Variants in ARIH2 observed in about 807,000 individuals in gnomAD.
ARIH2 encodes the protein E3 ubiquitin-protein ligase ARIH2.
ARIH2 carries 12 observed loss-of-function variants against 79.8 expected under a neutral mutation model. The observed-to-expected ratio is 0.15, with a 90% CI of 0.10 to 0.24. The LOEUF (loss-of-function observed/expected upper bound fraction) is 0.24, where lower values mean the gene tolerates loss of function less well. Among genes scored for constraint, ARIH2 ranks in the 10% least tolerant of loss-of-function variants. The pLI is 1.00. For synonymous variants in ARIH2, 224 were observed against 213.9 expected (o/e 1.05, Z -0.41); for missense variants, 301 against 618.3 (o/e 0.49, Z 5.44).
chr3:48,920,900 AGAAAG>A (rs2084725123), intron 1 of ARIH2, among the ~76,000 whole-genome samples: 1 of 72,192 alleles, frequency 1.4e-5, no homozygotes, highest in African/African-American at 4.3e-5. Context: ...AAAAAAAAAA[AGAAAG>A]AAAAGAAAAG....
intron 15 of ARIH2, 62 bp downstream of exon 15, chr3:48,983,041 T>A: frequency 6.4e-7 from 1 of 1,554,148 alleles, no homozygotes; most frequent in Non-Finnish European, 8.9e-7. Context: ...TGGTAATAGG[T>A]GACAGCGTTG....
Position 48,967,284 on chromosome 3 carries a change from G to A in ARIH2, c.538+9G>A, listed in dbSNP as rs776780036. 45 of 1,612,034 alleles carry A rather than the reference G, an allele frequency of 2.8e-5. No homozygotes were observed. In the South Asian group the frequency reaches 4.7e-4, roughly 17 times the overall value. The stretch of plus-strand genomic sequence containing the variant: ...GGACGGCGTGGGCGTGGGTGAGTCT[G>A]CCACAAAACTTATAAAAAGCTGGCA... On this transcript the variant is annotated intron_variant, in intron 6 of 15. Transcript: ENST00000356401.
At chr3:48,921,805 G>A (rs2084868500) in intron 1 of ARIH2, among the ~76,000 whole-genome samples, 1 of 151,172 alleles carries the variant, frequency 6.6e-6, no homozygotes, top group South Asian at 2.1e-4. Flanking sequence ...AGACTGGAGT[G>A]TAGTGGCGTG....
chr3:48,927,867 AG>A, intron 3 of ARIH2, 54 bp downstream of exon 3: 1 of 1,584,320 alleles, frequency 6.3e-7, no homozygotes, highest in Non-Finnish European at 8.6e-7. Flanking sequence ...TCTAAGGATG[AG>A]CTGTTGTTAA....
intron 9 of ARIH2, 152 bp from the exon 10 acceptor site, chr3:48,974,665 C>G: frequency 1.4e-6 from 1 of 738,610 alleles, no homozygotes; most frequent in East Asian, 2.6e-5. Context: ...GCTGTTCCAG[C>G]CTCAGCGACC....
chr3:48,927,309 G>C (rs1208558437), intron 2 of ARIH2, 153 bp from the exon 3 acceptor site: 1 of 460,700 alleles, frequency 2.2e-6, no homozygotes, highest in Non-Finnish European at 3.9e-6. Flanking sequence ...CCTGGGCCAG[G>C]GGGATGATAG....
intron 3 of ARIH2, chr3:48,934,639 TCA>T: frequency 1.0e-6 from 1 of 985,434 alleles, no homozygotes; most frequent in Non-Finnish European, 1.2e-6. Flanking sequence ...TTAACATGTT[TCA>T]CAGTGTTTTA....
intron 3 of ARIH2, among the ~76,000 whole-genome samples, chr3:48,947,943 ATTTTAT>A (rs2089419602): frequency 1.3e-5 from 2 of 151,894 alleles, no homozygotes; most frequent in East Asian, 1.9e-4. Flanking sequence ...TTATCTTTTT[ATTTTAT>A]TTTTATTTTT....
intron 3 of ARIH2, among the ~76,000 whole-genome samples, chr3:48,953,375 T>C (rs2090182592): frequency 6.6e-6 from 1 of 152,214 alleles, no homozygotes; most frequent in African/African-American, 2.4e-5. Context: ...AAAAGTATTA[T>C]AGTTATTAAA....
At chr3:48,930,057 C>T (rs1287990200) in intron 3 of ARIH2, among the ~76,000 whole-genome samples, 1 of 152,062 alleles carries the variant, frequency 6.6e-6, no homozygotes, top group Non-Finnish European at 1.5e-5. Flanking sequence ...TTTATTTTTT[C>T]CCTTCTGCAC....
At position 48,982,055 on chromosome 3, in the gene ARIH2, A is replaced by G. The variant is rs78548406; in HGVS notation, c.1326+327A>G. Among the ~76,000 whole-genome samples, 1,082 of 152,338 alleles carry G rather than the reference A, an allele frequency of 7.1e-3. 15 individuals are homozygous for G. Among genetic ancestry groups the G allele is most frequent in the South Asian group, 0.042 (202 of 4,828 alleles). ...TTTAGCATGCATGTCCTTAAGATAT[A>G]TTTGACTGTTTTATACCTTGTTTAA... On this transcript the variant is annotated intron_variant, in intron 14 of 15. Transcript: ENST00000356401.
chr3:48,964,462 C>T (rs1238477516), intron 4 of ARIH2, among the ~76,000 whole-genome samples: 4 of 151,876 alleles, frequency 2.6e-5, no homozygotes, highest in Admixed American at 1.3e-4. Context: ...ACTATAGGCA[C>T]GTGCCACCAT....
chr3:48,952,109 G>A (rs1370059945), intron 3 of ARIH2, among the ~76,000 whole-genome samples: 1 of 152,026 alleles, frequency 6.6e-6, no homozygotes, highest in African/African-American at 2.4e-5. Context: ...CATTATATTA[G>A]CTGCATCTCA....
chr3:48,949,208 C>T (rs1427294599), intron 3 of ARIH2: 10 of 424,228 alleles, frequency 2.4e-5, no homozygotes, highest in Non-Finnish European at 4.3e-5. Context: ...AGCTCCACCT[C>T]CTGGGTTCAT....
intron 3 of ARIH2, among the ~76,000 whole-genome samples, chr3:48,934,019 A>T (rs995364683): frequency 6.6e-5 from 10 of 152,154 alleles, no homozygotes; most frequent in Non-Finnish European, 1.5e-4. Flanking sequence ...TCTTTTGTGA[A>T]TTTTTTTAAA....
rs537147167 is a variant in ARIH2 at position 48,976,812 on chromosome 3, G to A, written c.961+1833G>A. ...CACCCAGAGTTCACTGCCATCTCAC[G>A]AGAATCACTTGAACCCCGGAGGTGG... On this transcript the variant is annotated intron_variant, in intron 11 of 15. Transcript: ENST00000356401. 7.2e-5 allele frequency among the ~76,000 whole-genome samples: 11 copies of A among 152,176 alleles called. No individual in the cohort carries two copies. The East Asian group carries it at 1.7e-3, about 24-fold the overall frequency.
intron 3 of ARIH2, among the ~76,000 whole-genome samples, chr3:48,949,711 T>C (rs952361683): frequency 3.3e-5 from 5 of 152,214 alleles, no homozygotes; most frequent in African/African-American, 9.6e-5. Flanking sequence ...TTTTAAAAAT[T>C]GCATTTTGTG....
intron 9 of ARIH2, among the ~76,000 whole-genome samples, chr3:48,974,476 T>C (rs999259780): frequency 2.6e-5 from 4 of 152,160 alleles, no homozygotes; most frequent in South Asian, 2.1e-4. Flanking sequence ...ACTGAATCCA[T>C]TGTGGCAGCT....
At chr3:48,934,415 A>G in intron 3 of ARIH2, 1 of 983,972 alleles carries the variant, frequency 1.0e-6, no homozygotes, top group African/African-American at 1.7e-5. Context: ...TTAATTGACC[A>G]ATAATGGTTT....
Sources: allele counts gnomAD v4.1 joint callset (sites outside exome capture counted in the v4.1 genomes callset), GRCh38; gene constraint gnomAD v4.1.1; transcripts MANE v1.5; gene names NCBI Gene and HGNC (gene_info 2026-07-23, HGNC 2026-07-21).